The following XRCC4 variants were observed in gnomAD, a reference collection of about 807,000 sequenced individuals.
XRCC4 encodes X-ray repair cross complementing 4.
In XRCC4, 28 loss-of-function variants were observed where a neutral mutation model predicts 39.1. That is an observed-to-expected ratio of 0.72 (90% CI 0.53 to 0.98). XRCC4 has a LOEUF of 0.98. XRCC4 is among the 50% of genes least tolerant of loss of function. The probability of loss-of-function intolerance (pLI) is 0.00; values close to 1 mark genes in which losing one functional copy is unlikely to be tolerated. For synonymous variants in XRCC4, 123 were observed against 126.4 expected, an observed-to-expected ratio of 0.97 and a Z score of 0.18; for missense variants, 350 against 376.4, an observed-to-expected ratio of 0.93 and a Z score of 0.58.
chr5:83,175,903 C>T (rs985436348), intron 3 of XRCC4, among the ~76,000 whole-genome samples: 1 of 152,140 alleles, frequency 6.6e-6, no homozygotes, highest in Non-Finnish European at 1.5e-5. Flanking sequence ...GCCACCATTG[C>T]CCGGCTGAGG....
chr5:83,132,531 G>A (rs1452406096), intron 3 of XRCC4, among the ~76,000 whole-genome samples: 2 of 151,596 alleles, frequency 1.3e-5, no homozygotes, highest in African/African-American at 2.4e-5. Context: ...TCAGACGTAG[G>A]TTTGTTCTTT....
At chr5:83,135,905 GTTTTTC>G (rs1455836515) in intron 3 of XRCC4, among the ~76,000 whole-genome samples, 2 of 151,954 alleles carry the variant, frequency 1.3e-5, no homozygotes, top group East Asian at 1.9e-4. Context: ...TATGTGTTCT[GTTTTTC>G]TTTTTCTTTG....
At chr5:83,138,846 T>A (rs1748026738) in intron 3 of XRCC4, among the ~76,000 whole-genome samples, 1 of 152,134 alleles carries the variant, frequency 6.6e-6, no homozygotes, top group Non-Finnish European at 1.5e-5. Context: ...ATTATAGTGA[T>A]GTTTTCTGGC....
intron 6 of XRCC4, among the ~76,000 whole-genome samples, chr5:83,238,914 A>G (rs1432064615): frequency 2.6e-5 from 4 of 152,242 alleles, no homozygotes; most frequent in African/African-American, 4.8e-5. Flanking sequence ...AGAAGACCAC[A>G]AATGAGTGAT....
chr5:83,173,177 T>A (rs1749808135), intron 3 of XRCC4, among the ~76,000 whole-genome samples: 1 of 152,186 alleles, frequency 6.6e-6, no homozygotes, highest in South Asian at 2.1e-4. Context: ...GGAAATGAGC[T>A]ATCCTTAGGA....
At chr5:83,239,314 A>T (rs1481612217) in intron 6 of XRCC4, among the ~76,000 whole-genome samples, 1 of 152,216 alleles carries the variant, frequency 6.6e-6, no homozygotes, top group Admixed American at 6.5e-5. Flanking sequence ...GATGGTACTC[A>T]ATATATGTTA....
At chr5:83,211,246 G>A (rs575983975) in intron 6 of XRCC4, among the ~76,000 whole-genome samples, 1 of 152,314 alleles carries the variant, frequency 6.6e-6, no homozygotes, top group African/African-American at 2.4e-5. Flanking sequence ...ACATTCATGA[G>A]TTTGGTCAGT....
At chr5:83,123,068 TGTTAA>T (rs1168813537) in intron 3 of XRCC4, among the ~76,000 whole-genome samples, 5 of 152,130 alleles carry the variant, frequency 3.3e-5, no homozygotes, top group African/African-American at 1.2e-4. Flanking sequence ...TGGTTGGTGG[TGTTAA>T]GTTTTCTATA....
intron 6 of XRCC4, among the ~76,000 whole-genome samples, chr5:83,235,432 T>A (rs1169101207): frequency 6.6e-6 from 1 of 151,148 alleles, no homozygotes; most frequent in Non-Finnish European, 1.5e-5. Context: ...ATAAATGTGG[T>A]ATGTTGTATC....
At chr5:83,284,007 T>G (rs909986094) in intron 7 of XRCC4, among the ~76,000 whole-genome samples, 24 of 116,332 alleles carry the variant, frequency 2.1e-4, no homozygotes, top group African/African-American at 8.1e-4. Flanking sequence ...ATGAGAAGAT[T>G]CATAAACTTA....
intron 6 of XRCC4, among the ~76,000 whole-genome samples, chr5:83,237,581 A>G (rs1401194799): frequency 6.6e-6 from 1 of 152,114 alleles, no homozygotes; most frequent in Non-Finnish European, 1.5e-5. Flanking sequence ...TATAATGTAG[A>G]GGGGGTGATA....
At chr5:83,362,294 C>CAAAAAAAAAAAAAA in the XRCC4 span, among the ~76,000 whole-genome samples, 1 of 73,166 alleles carries the variant, frequency 1.4e-5, no homozygotes, top group Admixed American at 1.6e-4. Flanking sequence ...GCTATTTAGG[C>CAAAAAAAAAAAAAA]AAAAAAAAAA....
At chr5:83,321,180 G>A (rs573015273) in intron 7 of XRCC4, among the ~76,000 whole-genome samples, 1 of 152,204 alleles carries the variant, frequency 6.6e-6, no homozygotes, top group African/African-American at 2.4e-5. Context: ...TCTGCACAGG[G>A]AAAGCAAAAC....
intron 6 of XRCC4, among the ~76,000 whole-genome samples, chr5:83,209,103 T>A (rs915780046): frequency 6.6e-6 from 1 of 151,716 alleles, no homozygotes; most frequent in Admixed American, 6.6e-5. Context: ...TGTGTGTGTG[T>A]GTGTGTGTGT....
Position 83,195,750 on chromosome 5 carries a change from A to C in XRCC4, c.316-20A>C. The C allele has an allele frequency of 6.5e-7, 1 of 1,535,072 alleles. No individual in the cohort carries two copies. The highest frequency in any genetic ancestry group is 1.3e-5 in the South Asian group (1 of 76,240). On this transcript the variant is annotated intron_variant, in intron 3 of 7. Coordinates refer to ENST00000396027, the MANE Select transcript of XRCC4 (RefSeq NM_003401.5). Reference sequence around the variant, plus strand: ...TCTTGATATTTTCCCCAAATTAACCATGTTTTTCTTTCATTTTAGTTCAGA... The same window carrying C: ...TCTTGATATTTTCCCCAAATTAACCCTGTTTTTCTTTCATTTTAGTTCAGA...
intron 3 of XRCC4, 98 bp from the exon 4 acceptor site, chr5:83,195,672 A>C (rs1358820869): frequency 8.5e-7 from 1 of 1,178,232 alleles, no homozygotes; most frequent in African/African-American, 1.5e-5. Flanking sequence ...AATCCTTCTT[A>C]CACTTTTTTA....
intron 7 of XRCC4, among the ~76,000 whole-genome samples, chr5:83,285,204 A>T (rs900342488): frequency 6.6e-6 from 1 of 152,212 alleles, no homozygotes; most frequent in African/African-American, 2.4e-5. Context: ...TAAACAAAAA[A>T]TACCAAATAT....
chr5:83,134,841 A>G (rs1475064684), intron 3 of XRCC4, among the ~76,000 whole-genome samples: 2 of 152,052 alleles, frequency 1.3e-5, no homozygotes, highest in Non-Finnish European at 2.9e-5. Context: ...AAGACCATGA[A>G]CCCTCTGGGC....
intron 3 of XRCC4, among the ~76,000 whole-genome samples, chr5:83,152,357 G>A (rs1748742980): frequency 6.6e-6 from 1 of 152,188 alleles, no homozygotes; most frequent in Admixed American, 6.5e-5. Flanking sequence ...CTTCAGGCCT[G>A]GCACGGTGGC....
Sources: gnomAD v4.1 joint callset for allele counts (sites outside exome capture counted in the v4.1 genomes callset) on GRCh38, gnomAD v4.1.1 for gene constraint, MANE v1.5 for transcripts, NCBI Gene and HGNC (gene_info 2026-07-23, HGNC 2026-07-21) for gene names.